RNF150: variants seen among roughly 807,000 people sequenced by gnomAD.
RNF150 encodes the protein ring finger protein 150.
Under a neutral mutation model 39.3 loss-of-function variants are expected in RNF150, and 24 were observed. The ratio of observed to expected loss-of-function variants is 0.61; its 90% CI spans 0.44 to 0.86. RNF150 has a LOEUF of 0.86. Ranked by LOEUF, RNF150 falls within the 40% of genes least tolerant of loss-of-function variation. RNF150 has a pLI of 0.00. For missense variants in RNF150, 502 were observed against 587.8 expected, an observed-to-expected ratio of 0.85 and a Z score of 1.51; for synonymous variants, 255 against 227.3, an observed-to-expected ratio of 1.12 and a Z score of -1.10.
intron 6 of RNF150, among the ~76,000 whole-genome samples, chr4:140,869,717 T>G (rs1411240077): frequency 6.6e-6 from 1 of 152,214 alleles, no homozygotes; most frequent in Non-Finnish European, 1.5e-5. Context: ...TAATCTGTAT[T>G]ATAGCCAGAT....
chr4:140,980,542 T>C (rs534664679), intron 1 of RNF150, among the ~76,000 whole-genome samples: 3 of 152,252 alleles, frequency 2.0e-5, no homozygotes, highest in East Asian at 3.9e-4. Flanking sequence ...TGAATTATAG[T>C]TCCCATAGTC....
At position 140,918,107 on chromosome 4, in the gene RNF150, C is replaced by T. The variant is rs1206071777; in HGVS notation, c.988-6753G>A. ...GAAAGCAGGCAAGATCCAAAATTGA[C>T]ACCCTAACATCACAATTAAAAGAAC... On this transcript the variant is annotated intron_variant, in intron 5 of 6. Transcript: ENST00000515673. Among the ~76,000 whole-genome samples the T allele has an allele frequency of 4.6e-5, 7 of 152,134 alleles. No individual in the cohort carries two copies. The East Asian group carries it at 1.2e-3, about 25-fold the overall frequency.
At chr4:140,915,612 G>A (rs1383543241) in intron 5 of RNF150, among the ~76,000 whole-genome samples, 1 of 152,242 alleles carries the variant, frequency 6.6e-6, no homozygotes, top group Admixed American at 6.5e-5. Flanking sequence ...AAGCTTGGAT[G>A]TGTATCATGT....
At chr4:141,144,574 A>G (rs1330649590) in intron 1 of RNF150, among the ~76,000 whole-genome samples, 1 of 147,856 alleles carries the variant, frequency 6.8e-6, no homozygotes, top group Non-Finnish European at 1.5e-5. Flanking sequence ...CTTGATGTTT[A>G]TTAATGTTTT....
chr4:141,115,732 C>G (rs1739529657), intron 1 of RNF150, among the ~76,000 whole-genome samples: 1 of 152,140 alleles, frequency 6.6e-6, no homozygotes, highest in South Asian at 2.1e-4. Flanking sequence ...TTTTACCTGA[C>G]CTCAAACTAT....
At chr4:141,162,606 A>T (rs1342287617) in intron 1 of RNF150, among the ~76,000 whole-genome samples, 1 of 152,012 alleles carries the variant, frequency 6.6e-6, no homozygotes, top group Non-Finnish European at 1.5e-5. Context: ...CTGAGGTACA[A>T]GGCTCATCCC....
At position 140,933,235 on chromosome 4, in the gene RNF150, C is replaced by T. The variant is rs562412091; in HGVS notation, c.891-7162G>A. On this transcript the variant is annotated intron_variant, in intron 4 of 6. Transcript: ENST00000515673. ...GAGGAAATTAAAAGGCTATGGGATA[C>T]GGTAAGGCCTTTTGTACAGCCTAAA... is the stretch of plus-strand genomic sequence containing the variant. Among the ~76,000 whole-genome samples, 27 of 152,228 alleles carry T rather than the reference C, an allele frequency of 1.8e-4. 1 individual carries two copies. The highest frequency in any genetic ancestry group is 1.2e-3 in the Admixed American group (18 of 15,276).
chr4:141,063,762 C>T (rs1737340705), intron 1 of RNF150, among the ~76,000 whole-genome samples: 1 of 152,048 alleles, frequency 6.6e-6, no homozygotes, highest in African/African-American at 2.4e-5. Flanking sequence ...AAATCCTTTG[C>T]AGATTTTACA....
At chr4:141,152,474 T>G (rs917929303) in intron 1 of RNF150, among the ~76,000 whole-genome samples, 1 of 152,220 alleles carries the variant, frequency 6.6e-6, no homozygotes, top group African/African-American at 2.4e-5. Flanking sequence ...ATGTAACACA[T>G]TGCAAAACAT....
rs145095326 is a variant in RNF150 at position 141,174,632 on chromosome 4, T to A, written c.-6+38162A>T. On this transcript the variant is annotated intron_variant, in intron 1 of 7. Coordinates refer to the RNF150 transcript ENST00000420921. The stretch of plus-strand genomic sequence containing the variant: ...TCATGAGCCTTATTTGGTTCCTTGG[T>A]CCCTACTCTGCCTTGAAAGGCAGAC... 6.2e-3 allele frequency among the ~76,000 whole-genome samples: 947 copies of A among 152,158 alleles called. 13 individuals are homozygous for A. The highest frequency in any genetic ancestry group is 0.022 in the African/African-American group (896 of 41,492).
At chr4:141,155,301 T>C (rs1410249920) in intron 1 of RNF150, among the ~76,000 whole-genome samples, 3 of 148,676 alleles carry the variant, frequency 2.0e-5, no homozygotes, top group African/African-American at 7.5e-5. Context: ...TTTCACTATG[T>C]TGGCCAGGCT....
At chr4:140,925,188 T>C (rs1385597711) in intron 5 of RNF150, among the ~76,000 whole-genome samples, 9 of 152,170 alleles carry the variant, frequency 5.9e-5, no homozygotes, top group Non-Finnish European at 2.9e-5. Flanking sequence ...AGTGTAGTCC[T>C]TGGATTTGGT....
intron 1 of RNF150, among the ~76,000 whole-genome samples, chr4:141,201,857 A>G (rs753728973): frequency 1.3e-5 from 2 of 152,236 alleles, no homozygotes; most frequent in East Asian, 1.9e-4. Context: ...CCCCAAATCC[A>G]TATGTTGGAA....
At chr4:141,061,064 C>T (rs113234720) in intron 1 of RNF150, among the ~76,000 whole-genome samples, 45 of 152,070 alleles carry the variant, frequency 3.0e-4, no homozygotes, top group African/African-American at 1.1e-3. Context: ...GTGCAGCAAA[C>T]CACCATGGCA....
At chr4:141,089,832 T>C (rs1328549663) in intron 1 of RNF150, among the ~76,000 whole-genome samples, 2 of 152,230 alleles carry the variant, frequency 1.3e-5, no homozygotes, top group East Asian at 1.9e-4. Flanking sequence ...TTACTCAAGA[T>C]ACCTGAAGGC....
intron 5 of RNF150, among the ~76,000 whole-genome samples, chr4:140,916,323 G>C (rs572686787): frequency 6.6e-6 from 1 of 152,278 alleles, no homozygotes; most frequent in African/African-American, 2.4e-5. Flanking sequence ...TGGATAACTA[G>C]AATAACCAAT....
intron 1 of RNF150, among the ~76,000 whole-genome samples, chr4:141,175,827 T>C: frequency 6.6e-6 from 1 of 152,196 alleles, no homozygotes; most frequent in East Asian, 1.9e-4. Flanking sequence ...GATTGCTAAC[T>C]TTTTGTTGTA....
intron 1 of RNF150, among the ~76,000 whole-genome samples, chr4:141,147,138 A>T (rs1031949229): frequency 1.2e-4 from 18 of 152,212 alleles, no homozygotes; most frequent in African/African-American, 3.6e-4. Context: ...TATTATTCAC[A>T]GAGACAGGAT....
In RNF150 at chr4:140,892,737, G is replaced by A. The variant is rs1423555294; in HGVS notation, c.1198+18407C>T. Among the ~76,000 whole-genome samples the A allele has an allele frequency of 3.3e-5, 5 of 152,122 alleles. No individual in the cohort carries two copies. The South Asian group carries it at 1.0e-3, about 31-fold the overall frequency. Reference sequence around the variant, plus strand: ...CTCACAAGTTCCTTCCCCCTGGGGAGGGATGTAGCCAAACTGTACCCTAGA... The same window carrying A: ...CTCACAAGTTCCTTCCCCCTGGGGAAGGATGTAGCCAAACTGTACCCTAGA... On this transcript the variant is annotated intron_variant, in intron 6 of 6. Transcript: ENST00000515673.
Sources: gnomAD v4.1 joint callset for allele counts (sites outside exome capture counted in the v4.1 genomes callset) on GRCh38, gnomAD v4.1.1 for gene constraint, MANE v1.5 for transcripts, NCBI Gene and HGNC (gene_info 2026-07-23, HGNC 2026-07-21) for gene names.